KIAA1549L: variants seen among roughly 807,000 people sequenced by gnomAD.
The protein encoded by KIAA1549L is KIAA1549 like, also known as UPF0606 protein KIAA1549L.
In KIAA1549L, 88 loss-of-function variants were observed where a neutral mutation model predicts 160.7. That is an observed-to-expected ratio of 0.55 (90% CI 0.46 to 0.65). KIAA1549L has a LOEUF of 0.65. Ranked by LOEUF, KIAA1549L falls within the 30% of genes least tolerant of loss-of-function variation. The pLI is 0.00. For synonymous variants in KIAA1549L, 950 were observed against 976.7 expected, an observed-to-expected ratio of 0.97 and a Z score of 0.51; for missense variants, 2,258 against 2,437.5, an observed-to-expected ratio of 0.93 and a Z score of 1.55.
intron 1 of KIAA1549L, among the ~76,000 whole-genome samples, chr11:33,523,307 T>C (rs1015412668): frequency 2.6e-5 from 4 of 152,206 alleles, no homozygotes; most frequent in Non-Finnish European, 4.4e-5. Context: ...AATAAAACTT[T>C]CGTTTACCAC....
chr11:33,506,931 G>A (rs1387204325), intron 1 of KIAA1549L, among the ~76,000 whole-genome samples: 3 of 152,130 alleles, frequency 2.0e-5, no homozygotes, highest in Non-Finnish European at 4.4e-5. Flanking sequence ...GTTAGTGGAT[G>A]GGCCAAGGAG....
At chr11:33,396,544 C>T (rs1850376600) in intron 1 of KIAA1549L, among the ~76,000 whole-genome samples, 2 of 152,164 alleles carry the variant, frequency 1.3e-5, no homozygotes, top group South Asian at 4.1e-4. Flanking sequence ...TGGGATCCTT[C>T]TTATGGCATT....
chr11:33,507,966 C>T (rs1297558248), intron 1 of KIAA1549L, among the ~76,000 whole-genome samples: 1 of 152,184 alleles, frequency 6.6e-6, no homozygotes, highest in Non-Finnish European at 1.5e-5. Flanking sequence ...TCAGGAATAA[C>T]TGTCAAAAAC....
chr11:33,646,093 C>A, intron 17 of KIAA1549L, 57 bp downstream of exon 17: 1 of 1,323,204 alleles, frequency 7.6e-7, no homozygotes, highest in Non-Finnish European at 1.0e-6. Context: ...CAGTGAGTTC[C>A]AACAGGAGAC....
intron 1 of KIAA1549L, among the ~76,000 whole-genome samples, chr11:33,428,762 T>C (rs1339689253): frequency 1.3e-5 from 2 of 152,196 alleles, no homozygotes; most frequent in Non-Finnish European, 2.9e-5. Context: ...AATAAACATA[T>C]GTGTGCATGT....
intron 1 of KIAA1549L, among the ~76,000 whole-genome samples, chr11:33,477,279 T>G (rs1294382400): frequency 6.6e-6 from 1 of 152,076 alleles, no homozygotes; most frequent in Non-Finnish European, 1.5e-5. Context: ...CCACCACTTT[T>G]GGAACACTGG....
intron 1 of KIAA1549L, among the ~76,000 whole-genome samples, chr11:33,408,489 G>GTGTGTGTATATATATATATATA (rs34208718): frequency 4.9e-5 from 6 of 123,076 alleles, no homozygotes; most frequent in African/African-American, 1.3e-4. Flanking sequence ...CTGTATATGT[G>GTGTGTGTATATATATATATATA]TATATATATA....
At chr11:33,591,194 A>C in intron 11 of KIAA1549L, 43 bp from the exon 12 acceptor site, 1 of 1,476,028 alleles carries the variant, frequency 6.8e-7, no homozygotes, top group Non-Finnish European at 9.3e-7. Flanking sequence ...TTAGAGTCAC[A>C]CTTCGCTAGA....
Position 33,544,262 on chromosome 11 carries a change from C to G in KIAA1549L, c.2699C>G (p.Ser900Cys). The change falls in exon 2 of 21, where the codon TCT (serine) becomes TGT (cysteine). Residue 900 changes from serine to cysteine, a missense_variant. Ser to Cys is a moderately radical substitution (Grantham distance 112). This residue lies in a region of KIAA1549L where 287 missense variants were observed against 292.3 expected (regional missense o/e 0.98). Coordinates refer to ENST00000658780, the MANE Select transcript of KIAA1549L (RefSeq NM_012194.3). ...GGATATCACTCTGCTGCTGAATCTT[C>G]TATATCGACCAGTGTCTTTCCCAGG... The part of the protein sequence containing the change: ...ILGYHSAAES[S>C]ISTSVFPRTS... 1.2e-6 allele frequency: 2 copies of G among 1,614,034 alleles called. No individual in the cohort carries two copies. The highest frequency in any genetic ancestry group is 1.7e-6 in the Non-Finnish European group (2 of 1,179,894).
At chr11:33,525,067 G>A (rs1853580993) in intron 1 of KIAA1549L, among the ~76,000 whole-genome samples, 1 of 152,170 alleles carries the variant, frequency 6.6e-6, no homozygotes, top group Non-Finnish European at 1.5e-5. Context: ...ATAGGAGACA[G>A]GACTAACATG....
intron 18 of KIAA1549L, 76 bp from the exon 19 acceptor site, chr11:33,658,674 C>A: frequency 6.9e-7 from 1 of 1,455,254 alleles, no homozygotes; most frequent in Non-Finnish European, 9.4e-7. Flanking sequence ...CCAAAGGTGA[C>A]GGGGCGCACT....
Position 33,543,376 on chromosome 11 carries a change from G to T in KIAA1549L, c.1813G>T (p.Gly605Cys), listed in dbSNP as rs763582127. Residue 605 changes from glycine to cysteine, a missense_variant, in exon 2 of 21, where the codon GGT (glycine) becomes TGT (cysteine). Physicochemically the swap from Gly to Cys is radical, Grantham distance 159. Coordinates refer to ENST00000658780, the MANE Select transcript of KIAA1549L (RefSeq NM_012194.3). ...VNGFVSDFST[G>C]SVSSPIITAP... ...TGGATTTGTCTCTGATTTCAGCACC[G>T]GTAGTGTCTCATCTCCCATCATTAC... 6.2e-7 allele frequency: 1 copy of T among 1,613,862 alleles called. No homozygotes were observed. Among genetic ancestry groups the T allele is most frequent in the Non-Finnish European group, 8.5e-7 (1 of 1,179,900 alleles).
intron 17 of KIAA1549L, among the ~76,000 whole-genome samples, chr11:33,649,506 A>G (rs1404579173): frequency 3.2e-4 from 3 of 9,368 alleles, no homozygotes; most frequent in African/African-American, 1.2e-3. Context: ...TCTCTATTGT[A>G]AAAAAAAAAA....
chr11:33,591,798 A>G (rs1014975327), intron 12 of KIAA1549L, among the ~76,000 whole-genome samples: 3 of 152,244 alleles, frequency 2.0e-5, no homozygotes, highest in Non-Finnish European at 2.9e-5. Context: ...TCAAAACCAT[A>G]TATTTAATTT....
chr11:33,450,375 T>C lies in KIAA1549L; in HGVS notation c.238+73486T>C, dbSNP rs141712112. Among the ~76,000 whole-genome samples the C allele has an allele frequency of 5.6e-3, 854 of 152,074 alleles. 7 individuals carry two copies. Among genetic ancestry groups the C allele is most frequent in the African/African-American group, 0.019 (791 of 41,464 alleles). ...GAATTTGAGACCAGCCTCGGCAACA[T>C]AGCAAGACCCTATCATTACAAAAAT... On this transcript the variant is annotated intron_variant, in intron 1 of 20. Coordinates refer to ENST00000658780, the MANE Select transcript of KIAA1549L (RefSeq NM_012194.3).
chr11:33,515,814 C>G (rs1448151253), intron 1 of KIAA1549L, among the ~76,000 whole-genome samples: 3 of 152,144 alleles, frequency 2.0e-5, no homozygotes, highest in Non-Finnish European at 4.4e-5. Context: ...AGAAAAGTAA[C>G]GTGATGCATC....
chr11:33,543,054 G>A lies in KIAA1549L; in HGVS notation c.1491G>A (p.Gly497=). 2 of 1,613,854 alleles carry A rather than the reference G, an allele frequency of 1.2e-6. No individual in the cohort carries two copies. The highest frequency in any genetic ancestry group is 1.1e-5 in the South Asian group (1 of 91,090). Residue 497 remains glycine (G), a synonymous_variant, in exon 2 of 21, where the codon GGG becomes GGA. Coordinates refer to ENST00000658780, the MANE Select transcript of KIAA1549L (RefSeq NM_012194.3). ...CGGTTCCCGCATCACCATCAACTGGGACAGCCGACTTTCCCTCCATACTTA... is the reference window on the plus strand; with the variant it reads ...CGGTTCCCGCATCACCATCAACTGGAACAGCCGACTTTCCCTCCATACTTA... The part of the protein sequence containing the change: ...SGAVPASPST[G]TADFPSILTF...
At chr11:33,399,632 G>A (rs1055188450) in intron 1 of KIAA1549L, among the ~76,000 whole-genome samples, 2 of 152,138 alleles carry the variant, frequency 1.3e-5, no homozygotes, top group Admixed American at 6.6e-5. Context: ...AGCTCTGCCC[G>A]CTGTCAACTG....
intron 16 of KIAA1549L, among the ~76,000 whole-genome samples, chr11:33,619,700 T>C (rs1850909566): frequency 6.6e-6 from 1 of 152,254 alleles, no homozygotes; most frequent in Non-Finnish European, 1.5e-5. Flanking sequence ...TTATCTTTTG[T>C]TTCTTTTTCC....
Sources: allele counts gnomAD v4.1 joint callset (sites outside exome capture counted in the v4.1 genomes callset), GRCh38; gene constraint gnomAD v4.1.1; regional missense constraint gnomAD v4.1.1; transcripts MANE v1.5; gene names NCBI Gene and HGNC (gene_info 2026-07-23, HGNC 2026-07-21).